Variants in CNDP2 observed in about 807,000 individuals in gnomAD.
The protein encoded by CNDP2 is cytosolic non-specific dipeptidase.
CNDP2 carries 38 observed loss-of-function variants against 55.0 expected under a neutral mutation model. That is an observed-to-expected ratio of 0.69 (90% CI 0.53 to 0.90). CNDP2 has a LOEUF of 0.90. CNDP2 is among the 40% of genes least tolerant of loss of function. The pLI is 0.00. For missense variants in CNDP2, 607 were observed against 621.7 expected (o/e 0.98, Z 0.25); for synonymous variants, 241 against 260.2 (o/e 0.93, Z 0.71).
Position 74,520,636 on chromosome 18 carries a change from A to G in CNDP2, c.*568A>G, listed in dbSNP as rs1047971502. The G allele has an allele frequency of 6.5e-6, 1 of 153,742 alleles. No homozygotes were observed. The highest frequency in any genetic ancestry group is 1.4e-5 in the Non-Finnish European group (1 of 69,218). The allele number at this position is 153,742 out of a possible 1,614,324, so 9.5% of individuals were successfully genotyped here. On this transcript the variant is annotated 3_prime_UTR_variant, in exon 12 of 12. Coordinates refer to ENST00000324262, the MANE Select transcript of CNDP2 (RefSeq NM_018235.3). ...GCACCACGGCACTCAAGCCTGGGCA[A>G]TGTAGCAAGATCCTGTCTCTACAAG...
chr18:74,510,029 C>T (rs569301425), intron 5 of CNDP2, among the ~76,000 whole-genome samples: 3 of 152,334 alleles, frequency 2.0e-5, no homozygotes, highest in East Asian at 1.9e-4. Flanking sequence ...CCTCTGGCCC[C>T]GTGGAGCCCT....
At position 74,513,617 on chromosome 18, in the gene CNDP2, C is replaced by A. The variant is rs369009602; in HGVS notation, c.801C>A (p.Ala267=). The change falls in exon 8 of 12, where the codon GCC becomes GCA. Residue 267 remains alanine (A), a synonymous_variant. Coordinates refer to ENST00000324262, the MANE Select transcript of CNDP2 (RefSeq NM_018235.3). ...ILIPGINEAV[A]AVTEEEHKLY... ...TCCCCGGCATTAACGAGGCCGTGGCCGCCGTCACGGAAGAGGAGCACAAGC... is the reference window on the plus strand; with the variant it reads ...TCCCCGGCATTAACGAGGCCGTGGCAGCCGTCACGGAAGAGGAGCACAAGC... The A allele has an allele frequency of 9.3e-6, 15 of 1,613,842 alleles. No individual in the cohort carries two copies. The highest frequency in any genetic ancestry group is 1.0e-5 in the Non-Finnish European group (12 of 1,180,006).
In CNDP2 at chr18:74,510,873, C is replaced by G. The variant is rs138039302; in HGVS notation, c.517C>G (p.Leu173Val). 1 of 1,614,078 alleles carries G rather than the reference C, an allele frequency of 6.2e-7. No homozygotes were observed. The highest frequency in any genetic ancestry group is 1.3e-5 in the African/African-American group (1 of 74,920). Residue 173 changes from leucine (L) to valine (V), a missense_variant, in exon 6 of 12, where the codon CTA becomes GTA. Coordinates refer to ENST00000324262, the MANE Select transcript of CNDP2 (RefSeq NM_018235.3). Reference sequence around the variant, plus strand: ...CATGGAGGAGTCAGGCTCTGAGGGCCTAGACGAGCTGATTTTTGCCCGGAA... The same window carrying G: ...CATGGAGGAGTCAGGCTCTGAGGGCGTAGACGAGCTGATTTTTGCCCGGAA... ...EGMEESGSEG[L>V]DELIFARKDT...
intron 6 of CNDP2, 115 bp from the exon 7 acceptor site, chr18:74,512,333 T>G: frequency 3.1e-6 from 3 of 962,752 alleles, no homozygotes; most frequent in Non-Finnish European, 4.6e-6. Context: ...AGGGAGCAAA[T>G]TTTGATTTGG....
chr18:74,516,483 C>CG (rs1252096992), intron 9 of CNDP2, 91 bp downstream of exon 9: 2 of 1,301,056 alleles, frequency 1.5e-6, no homozygotes, highest in African/African-American at 3.0e-5. Context: ...GACAGACACC[C>CG]GGGCCATGCA....
intron 7 of CNDP2, among the ~76,000 whole-genome samples, chr18:74,512,840 C>A (rs116514412): frequency 2.1e-3 from 318 of 152,302 alleles, no homozygotes; most frequent in African/African-American, 7.2e-3. Flanking sequence ...TGGTGCTGTC[C>A]TTTCTCTGGT....
At chr18:74,515,451 G>C (rs1405725954) in intron 8 of CNDP2, among the ~76,000 whole-genome samples, 1 of 152,084 alleles carries the variant, frequency 6.6e-6, no homozygotes, top group African/African-American at 2.4e-5. Context: ...TGACCCTCAG[G>C]CTCGTGTTTG....
At chr18:74,505,406 G>A (rs755422204) in intron 3 of CNDP2, among the ~76,000 whole-genome samples, 5 of 151,980 alleles carry the variant, frequency 3.3e-5, no homozygotes, top group East Asian at 1.9e-4. Flanking sequence ...CGAGACCACC[G>A]TGCGGGCAAC....
At chr18:74,506,068 A>G (rs1439245895) in intron 4 of CNDP2, 57 bp downstream of exon 4, 20 of 1,468,560 alleles carry the variant, frequency 1.4e-5, no homozygotes, top group Non-Finnish European at 1.7e-5. Context: ...TTGGAAAGTC[A>G]TTGCTAGTCC....
At chr18:74,509,130 GTT>G in intron 5 of CNDP2, 1 of 548,206 alleles carries the variant, frequency 1.8e-6, no homozygotes, top group Non-Finnish European at 3.3e-6. Context: ...AAGTGTAATT[GTT>G]TTACAGCTGC....
intron 1 of CNDP2, among the ~76,000 whole-genome samples, chr18:74,498,640 A>T (rs1978529284): frequency 6.6e-6 from 1 of 152,176 alleles, no homozygotes; most frequent in South Asian, 2.1e-4. Flanking sequence ...TTTAATGTGA[A>T]CAGGTAGCTT....
chr18:74,510,342 G>A (rs1475836877), intron 5 of CNDP2, among the ~76,000 whole-genome samples: 4 of 152,178 alleles, frequency 2.6e-5, no homozygotes, highest in South Asian at 4.1e-4. Context: ...GGTCAGAGTC[G>A]GGAGAGCACC....
intron 8 of CNDP2, 82 bp downstream of exon 8, chr18:74,513,801 G>T: frequency 1.4e-6 from 2 of 1,413,174 alleles, no homozygotes; most frequent in Non-Finnish European, 1.9e-6. Context: ...ACCTTCCCTG[G>T]GTCCAGGGGG....
chr18:74,501,218 C>G (rs1978675426), intron 2 of CNDP2, 111 bp from the exon 3 acceptor site: 12 of 1,476,936 alleles, frequency 8.1e-6, no homozygotes, highest in Non-Finnish European at 1.1e-5. Context: ...TCAGCCTGTT[C>G]AACTGCAGCA....
At chr18:74,512,667 C>T in intron 7 of CNDP2, 135 bp downstream of exon 7, 4 of 688,230 alleles carry the variant, frequency 5.8e-6, no homozygotes, top group East Asian at 5.9e-5. Flanking sequence ...CCTACTGTGC[C>T]TCTCCCTCCT....
chr18:74,517,910 G>A (rs1242122057), intron 9 of CNDP2: 1 of 152,214 alleles, frequency 6.6e-6, no homozygotes, highest in Non-Finnish European at 1.5e-5. Flanking sequence ...TCTTTGGAAA[G>A]AGTGAATTGC....
At chr18:74,508,560 C>T (rs1979160677) in intron 4 of CNDP2, 1 of 393,176 alleles carries the variant, frequency 2.5e-6, no homozygotes, top group Non-Finnish European at 4.7e-6. Context: ...AGGTCTCCAC[C>T]CTGACCCAGC....
Position 74,496,370 on chromosome 18 carries a change from C to G in CNDP2, c.-154C>G, listed in dbSNP as rs557942321. ...GGGGTCGTGGCCGGGACACGTGGTA[C>G]GGAACCGGCGCCGCGCTTGCTGCTG... On this transcript the variant is annotated 5_prime_UTR_variant, in exon 1 of 12. Coordinates refer to ENST00000324262, the MANE Select transcript of CNDP2 (RefSeq NM_018235.3). 1.3e-5 allele frequency: 2 copies of G among 152,356 alleles called. No homozygotes were observed. The highest frequency in any genetic ancestry group is 2.9e-5 in the Non-Finnish European group (2 of 68,148). 9.4% of individuals were successfully genotyped at this position (152,356 alleles called of 1,614,324 possible).
At chr18:74,499,795 C>T (rs898801360) in intron 1 of CNDP2, 87 bp from the exon 2 acceptor site, 1 of 493,490 alleles carries the variant, frequency 2.0e-6, no homozygotes, top group African/African-American at 2.0e-5. Context: ...GCAGTCACTT[C>T]CTGGAGCGTC....
Sources: gnomAD v4.1 joint callset for allele counts (sites outside exome capture counted in the v4.1 genomes callset) on GRCh38, gnomAD v4.1.1 for gene constraint, MANE v1.5 for transcripts, NCBI Gene and HGNC (gene_info 2026-07-23, HGNC 2026-07-21) for gene names.